Variants in JAKMIP3 observed in about 807,000 individuals in gnomAD.
JAKMIP3 encodes the protein Janus kinase and microtubule interacting protein 3.
Under a neutral mutation model 118.5 loss-of-function variants are expected in JAKMIP3, and 58 were observed. The ratio of observed to expected loss-of-function variants is 0.49; its 90% CI spans 0.40 to 0.61. The LOEUF (loss-of-function observed/expected upper bound fraction) is 0.61. Among genes scored for constraint, JAKMIP3 ranks in the 20% least tolerant of loss-of-function variants. The pLI, the probability that JAKMIP3 is intolerant of heterozygous loss-of-function variation, is 0.00. For missense variants in JAKMIP3, 950 were observed against 1,109.0 expected (o/e 0.86, Z 2.04); for synonymous variants, 486 against 451.2 (o/e 1.08, Z -0.98).
chr10:132,148,581 C>T (rs976744446), intron 14 of JAKMIP3, among the ~76,000 whole-genome samples: 9 of 152,222 alleles, frequency 5.9e-5, no homozygotes, highest in African/African-American at 9.6e-5. Context: ...TCCAGGCCTC[C>T]GCCGTCGGCA....
At chr10:132,105,307 C>CT (rs1297360964) in intron 2 of JAKMIP3, among the ~76,000 whole-genome samples, 21 of 152,210 alleles carry the variant, frequency 1.4e-4, no homozygotes, top group African/African-American at 5.1e-4. Context: ...TGGAACTGAC[C>CT]TGAAACAGAG....
chr10:132,127,535 G>T (rs148008711), intron 3 of JAKMIP3, among the ~76,000 whole-genome samples: 5 of 152,098 alleles, frequency 3.3e-5, no homozygotes, highest in Admixed American at 6.6e-5. Context: ...GATTACAGGC[G>T]TGAGCCATGG....
In JAKMIP3 at chr10:132,147,980, G is replaced by T. The variant is rs368038825; in HGVS notation, c.1778G>T (p.Arg593Leu). 4.2e-5 allele frequency: 68 copies of T among 1,610,080 alleles called. No individual in the cohort carries two copies. Among genetic ancestry groups the T allele is most frequent in the Non-Finnish European group, 5.3e-5 (62 of 1,178,356 alleles). Residue 593 changes from arginine to leucine, a missense_variant, in exon 14 of 24, where the codon CGG becomes CTG. Transcript: ENST00000684848. ...AAACAAATGGAGACGGAAGAGGCTCGGCTCAGACACGAGGTGCAGGACGCC... is the reference window on the plus strand; with the variant it reads ...AAACAAATGGAGACGGAAGAGGCTCTGCTCAGACACGAGGTGCAGGACGCC... ...KIKQMETEEA[R>L]LRHEVQDARD...
chr10:132,075,532 C>T (rs1213480163), intron 1 of JAKMIP3, among the ~76,000 whole-genome samples: 1 of 151,812 alleles, frequency 6.6e-6, no homozygotes, highest in Non-Finnish European at 1.5e-5. Flanking sequence ...ATCTCAGCCT[C>T]CCGAGTAGCT....
chr10:132,071,870 T>TC (rs776128381), intron 1 of JAKMIP3, among the ~76,000 whole-genome samples: 1 of 95,266 alleles, frequency 1.0e-5, no homozygotes, highest in African/African-American at 5.3e-5. Context: ...TTCCTTTCTT[T>TC]CTTTCCTTCC....
chr10:132,175,850 C>G (rs2060093540), intron 23 of JAKMIP3, among the ~76,000 whole-genome samples: 1 of 152,204 alleles, frequency 6.6e-6, no homozygotes, highest in Non-Finnish European at 1.5e-5. Flanking sequence ...GTGTAATGCT[C>G]TGCATCATAG....
At chr10:132,153,050 G>A in intron 17 of JAKMIP3, 27 bp downstream of exon 17, 1 of 1,578,446 alleles carries the variant, frequency 6.3e-7, no homozygotes, top group Non-Finnish European at 8.6e-7. Flanking sequence ...GGACAGTCGG[G>A]AGAGGGCCGG....
chr10:132,043,965 G>A (rs1472591374), intron 1 of JAKMIP3, among the ~76,000 whole-genome samples: 1 of 152,090 alleles, frequency 6.6e-6, no homozygotes, highest in African/African-American at 2.4e-5. Context: ...ATCCTGCTGG[G>A]CCTGCGTTTG....
rs1393161411 is a variant in JAKMIP3, at chr10:132,183,764, AC to A, written c.*2512del. On this transcript the variant is annotated 3_prime_UTR_variant, in exon 24 of 24. Coordinates refer to ENST00000684848, the MANE Select transcript of JAKMIP3 (RefSeq NM_001323087.2). ...ATAGGCACCTTCTTTACATCTGATT[AC>A]AATACCCAGCATTTCAGAACTGGGT... 6.6e-6 allele frequency: 1 copy of A among 152,208 alleles called. No individual in the cohort carries two copies. The highest frequency in any genetic ancestry group is 1.5e-5 in the Non-Finnish European group (1 of 68,034). The allele number at this position is 152,208 out of a possible 1,614,324, so 9.4% of individuals were successfully genotyped here. A position where few individuals can be genotyped will look rare whatever the true frequency, so the allele number is the denominator to read the frequency against.
At chr10:132,163,521 C>T in intron 20 of JAKMIP3, 109 bp downstream of exon 20, 3 of 990,404 alleles carry the variant, frequency 3.0e-6, no homozygotes, top group Non-Finnish European at 4.4e-6. Context: ...CCTCTGTGGC[C>T]CCACCCTCCA....
intron 1 of JAKMIP3, among the ~76,000 whole-genome samples, chr10:132,102,736 C>T (rs566529677): frequency 3.3e-5 from 5 of 152,224 alleles, no homozygotes; most frequent in South Asian, 2.1e-4. Flanking sequence ...CCCACCTGCC[C>T]GTCCTGCCAC....
chr10:132,124,298 G>A (rs1048288152), intron 3 of JAKMIP3, among the ~76,000 whole-genome samples: 1 of 150,384 alleles, frequency 6.6e-6, no homozygotes, highest in Non-Finnish European at 1.5e-5. Context: ...TCCCACCCTG[G>A]CACATCACAG....
Position 132,103,753 on chromosome 10 carries a change from C to T in JAKMIP3, c.-137-919C>T, listed in dbSNP as rs562797357. On this transcript the variant is annotated intron_variant, in intron 1 of 23. Coordinates refer to ENST00000684848, the MANE Select transcript of JAKMIP3 (RefSeq NM_001323087.2). ...GCCTGTTAGAAGCTGGGCCATACAG[C>T]AGGAGGCAAGCAGTGGGCGAGGGAG... Among the ~76,000 whole-genome samples, 5 of 152,158 alleles carry T rather than the reference C, an allele frequency of 3.3e-5. No homozygotes were observed. The East Asian group carries it at 7.7e-4, about 24-fold the overall frequency.
intron 1 of JAKMIP3, among the ~76,000 whole-genome samples, chr10:132,054,704 G>A (rs916448780): frequency 1.3e-5 from 2 of 152,256 alleles, no homozygotes; most frequent in East Asian, 3.8e-4. Context: ...ATAAGACTAA[G>A]GTGTGGTCAG....
At chr10:132,160,078 TG>T (rs370276340) in intron 19 of JAKMIP3, among the ~76,000 whole-genome samples, 1 of 1,724 alleles carries the variant, frequency 5.8e-4, no homozygotes, top group Non-Finnish European at 8.1e-4. Flanking sequence ...TGTGTGATGC[TG>T]GGGGGGTCTC....
upstream of JAKMIP3, among the ~76,000 whole-genome samples, chr10:132,061,186 G>A (rs575131298): frequency 7.1e-3 from 834 of 117,734 alleles, 9 homozygotes; most frequent in African/African-American, 0.023. Context: ...CACACCTGCC[G>A]TGACGGCGCA....
Position 132,049,850 on chromosome 10 carries a change from T to C in JAKMIP3, c.-138+13112T>C, listed in dbSNP as rs1224892599. On this transcript the variant is annotated intron_variant, in intron 1 of 23. Coordinates refer to the JAKMIP3 transcript ENST00000657785. This position sits in a 1 kb window ranked among gnomAD's most constrained non-coding sequence, Gnocchi z 4.3. Reference sequence around the variant, plus strand: ...TTTTCCTGATTTTCTTCCATAGTCTTCTGTGACGTTTTTGTTTTGGCTATT... The same window carrying C: ...TTTTCCTGATTTTCTTCCATAGTCTCCTGTGACGTTTTTGTTTTGGCTATT... Among the ~76,000 whole-genome samples the C allele has an allele frequency of 6.6e-6, 1 of 152,194 alleles. No individual in the cohort carries two copies. Among genetic ancestry groups the C allele is most frequent in the Admixed American group, 6.5e-5 (1 of 15,284 alleles).
At position 132,078,625 on chromosome 10, in the gene JAKMIP3, G is replaced by GGT. The variant is rs1564873671; in HGVS notation, c.-138+12565_-138+12566insTG. ...CAGGGACCTTCTCTGGGGGCGGGGG[G>GGT]GGGGGGGGGTCCCGTTTCTGGCCAT... On this transcript the variant is annotated intron_variant, in intron 1 of 23. Transcript: ENST00000684848. 9.1e-4 allele frequency among the ~76,000 whole-genome samples: 128 copies of GGT among 140,914 alleles called. 1 individual carries two copies. The highest frequency in any genetic ancestry group is 3.2e-3 in the African/African-American group (122 of 37,676). The allele number at this position is 140,914 out of a possible 152,430, so 92.4% of individuals were successfully genotyped here. A position where few individuals can be genotyped will look rare whatever the true frequency, so the allele number is the denominator to read the frequency against.
rs374262961 is a variant in JAKMIP3, at chr10:132,137,318, C to T, written c.1284+29C>T. 2.7e-5 allele frequency: 44 copies of T among 1,613,360 alleles called. 1 individual carries two copies. Among genetic ancestry groups the T allele is most frequent in the South Asian group, 2.1e-4 (19 of 91,076 alleles). On this transcript the variant is annotated intron_variant, in intron 8 of 23. Coordinates refer to ENST00000684848, the MANE Select transcript of JAKMIP3 (RefSeq NM_001323087.2). The stretch of plus-strand genomic sequence containing the variant: ...AGTATGGTCAGCGCCCGCTTCCCCA[C>T]GCCTCCGCTCCCCACGCAGTTGCCC...
Sources: gnomAD v4.1 joint callset for allele counts (sites outside exome capture counted in the v4.1 genomes callset) on GRCh38, gnomAD v4.1.1 for gene constraint, Gnocchi (gnomAD v3.1) non-coding constraint, MANE v1.5 for transcripts, NCBI Gene and HGNC (gene_info 2026-07-23, HGNC 2026-07-21) for gene names.